IL21R: variants seen among roughly 807,000 people sequenced by gnomAD.
The protein encoded by IL21R is interleukin-21 receptor.
IL21R carries 14 observed loss-of-function variants against 41.3 expected under a neutral mutation model. That is an observed-to-expected ratio of 0.34 (90% confidence interval 0.22 to 0.53). The LOEUF (loss-of-function observed/expected upper bound fraction) is 0.53. Among genes scored for constraint, IL21R ranks in the 20% least tolerant of loss-of-function variants. IL21R has a pLI of 0.94. For synonymous variants in IL21R, 286 were observed against 287.6 expected (o/e 0.99, Z 0.05); for missense variants, 588 against 681.6 (o/e 0.86, Z 1.53).
At chr16:27,418,531 G>A (rs1266886971) in intron 1 of IL21R, among the ~76,000 whole-genome samples, 2 of 151,810 alleles carry the variant, frequency 1.3e-5, no homozygotes, top group African/African-American at 4.8e-5. Flanking sequence ...ACCACGCTCG[G>A]CTAATTTTTT....
intron 1 of IL21R, among the ~76,000 whole-genome samples, chr16:27,418,316 T>C (rs759471639): frequency 2.4e-4 from 37 of 151,738 alleles, no homozygotes; most frequent in Admixed American, 2.2e-3. Context: ...GATCTGCCCG[T>C]CTCGCCCTTC....
chr16:27,446,212 G>C, intron 8 of IL21R, 124 bp downstream of exon 8: 1 of 649,494 alleles, frequency 1.5e-6, no homozygotes, highest in Non-Finnish European at 2.6e-6. Context: ...TCTCAGCCAA[G>C]CCACAAGCCA....
rs138984773 is a variant in IL21R at position 27,430,554 on chromosome 16, T to G, written c.49+434T>G. ...TTGCTGCACCGGGTGCGGTGGCTCC[T>G]ACTGGAATCCCAGCCCTTTGGGAGG... is the stretch of plus-strand genomic sequence containing the variant. On this transcript the variant is annotated intron_variant, in intron 2 of 8. Transcript: ENST00000337929. Among the ~76,000 whole-genome samples the G allele has an allele frequency of 1.1e-3, 172 of 152,240 alleles. 3 individuals are homozygous for G. Among genetic ancestry groups the G allele is most frequent in the African/African-American group, 3.8e-3 (157 of 41,530 alleles).
intron 1 of IL21R, among the ~76,000 whole-genome samples, chr16:27,404,236 C>A (rs1240075359): frequency 1.3e-5 from 2 of 152,080 alleles, no homozygotes; most frequent in Admixed American, 6.5e-5. Context: ...TTACTCAGTC[C>A]CACAGTGGAG....
intron 4 of IL21R, among the ~76,000 whole-genome samples, chr16:27,440,279 A>AGAGAGAGAGAGAGAGAGAGAGAGAGAGC (rs1567370043): frequency 7.6e-6 from 1 of 131,892 alleles, no homozygotes; most frequent in African/African-American, 3.1e-5. Flanking sequence ...AGAGAGAGAG[A>AGAGAGAGAGAGAGAGAGAGAGAGAGAGC]GCGAGCAAGC....
intron 1 of IL21R, among the ~76,000 whole-genome samples, chr16:27,410,745 A>C (rs2086811073): frequency 6.6e-6 from 1 of 152,216 alleles, no homozygotes; most frequent in Non-Finnish European, 1.5e-5. Context: ...CTGTATGCAC[A>C]TTGGTTTACA....
intron 1 of IL21R, among the ~76,000 whole-genome samples, chr16:27,409,177 T>TA (rs59798163): frequency 0.21 from 31,563 of 147,002 alleles, 3,978 homozygotes; most frequent in East Asian, 0.43. Context: ...ATATATATAT[T>TA]TATAAAAATA....
chr16:27,446,929 C>A (rs1304007950), intron 8 of IL21R, among the ~76,000 whole-genome samples: 1 of 152,162 alleles, frequency 6.6e-6, no homozygotes, highest in African/African-American at 2.4e-5. Context: ...GGTGGGAGGG[C>A]CAGCCCCACC....
At position 27,448,849 on chromosome 16, in the gene IL21R, G is replaced by A. The variant is rs1352755812; in HGVS notation, c.1183G>A (p.Glu395Lys). Reference sequence around the variant, plus strand: ...GCCATGCACCTGGCCCTGCAGCTGTGAGGATGACGGCTACCCAGCCCTGGA... The same window carrying A: ...GCCATGCACCTGGCCCTGCAGCTGTAAGGATGACGGCTACCCAGCCCTGGA... Reference protein sequence around the residue: ...EGPCTWPCSCEDDGYPALDLD... With the variant: ...EGPCTWPCSCKDDGYPALDLD... The change falls in exon 9 of 9, where the codon GAG (glutamate) becomes AAG (lysine). Residue 395 changes from glutamate (E) to lysine (K), a missense_variant. By Grantham distance (56) the Glu-to-Lys change is moderately conservative. Coordinates refer to ENST00000337929, the MANE Select transcript of IL21R (RefSeq NM_181078.3). The A allele has an allele frequency of 1.2e-6, 2 of 1,613,174 alleles. No individual in the cohort carries two copies. The highest frequency in any genetic ancestry group is 1.1e-5 in the South Asian group (1 of 91,078).
intron 2 of IL21R, among the ~76,000 whole-genome samples, chr16:27,430,992 G>A (rs141132054): frequency 1.3e-5 from 2 of 152,254 alleles, no homozygotes; most frequent in African/African-American, 4.8e-5. Flanking sequence ...AAGCAGAACT[G>A]GGAAGACCAG....
At chr16:27,438,982 G>A (rs2087323072) in intron 4 of IL21R, among the ~76,000 whole-genome samples, 1 of 152,032 alleles carries the variant, frequency 6.6e-6, no homozygotes, top group South Asian at 2.1e-4. Flanking sequence ...CGGCCCCAGA[G>A]GCAAACACAG....
intron 1 of IL21R, among the ~76,000 whole-genome samples, chr16:27,417,265 G>A (rs1016709771): frequency 4.7e-5 from 7 of 147,970 alleles, no homozygotes; most frequent in Non-Finnish European, 7.4e-5. Flanking sequence ...GGGCTCATGT[G>A]ATCCTCCCAC....
At chr16:27,428,839 A>G (rs1459310916) in intron 1 of IL21R, among the ~76,000 whole-genome samples, 1 of 152,222 alleles carries the variant, frequency 6.6e-6, no homozygotes, top group Non-Finnish European at 1.5e-5. Flanking sequence ...TGATGGAGTA[A>G]GGAGCCTCAT....
At chr16:27,446,517 C>T (rs528139516) in intron 8 of IL21R, among the ~76,000 whole-genome samples, 22 of 151,922 alleles carry the variant, frequency 1.4e-4, no homozygotes, top group African/African-American at 4.6e-4. Context: ...GCAGGACGAT[C>T]GTTCAGAGGC....
chr16:27,424,354 A>G (rs1254691702), intron 1 of IL21R, among the ~76,000 whole-genome samples: 1 of 152,182 alleles, frequency 6.6e-6, no homozygotes, highest in African/African-American at 2.4e-5. Flanking sequence ...GATTACAGGC[A>G]TGAGCCACCA....
At chr16:27,417,705 T>A (rs970481693) in intron 1 of IL21R, among the ~76,000 whole-genome samples, 5 of 152,200 alleles carry the variant, frequency 3.3e-5, no homozygotes, top group Non-Finnish European at 7.3e-5. Flanking sequence ...TACTGAATAC[T>A]GTAGGCAACT....
chr16:27,417,896 T>C (rs912045696), intron 1 of IL21R, among the ~76,000 whole-genome samples: 1 of 152,150 alleles, frequency 6.6e-6, no homozygotes, highest in Non-Finnish European at 1.5e-5. Context: ...GCCCAGGACA[T>C]TGCTGTACAC....
rs143140665 is a variant in IL21R at position 27,418,430 on chromosome 16, G to A, written c.-16-11626G>A. Among the ~76,000 whole-genome samples, 917 of 151,594 alleles carry A rather than the reference G, an allele frequency of 6.0e-3. 8 individuals carry two copies. The highest frequency in any genetic ancestry group is 0.02 in the African/African-American group (833 of 41,316). On this transcript the variant is annotated intron_variant, in intron 1 of 8. Transcript: ENST00000337929. ...ATCACCCAGGCTGGAGTGCAGTGTC[G>A]CGATCTCAGCTCACTGCAACCTCCG...
chr16:27,407,458 G>A (rs537209956), intron 1 of IL21R, among the ~76,000 whole-genome samples: 1 of 152,298 alleles, frequency 6.6e-6, no homozygotes, highest in South Asian at 2.1e-4. Context: ...AGAAGCTGGG[G>A]GAAAAGCATT....
Sources: allele counts gnomAD v4.1 joint callset (sites outside exome capture counted in the v4.1 genomes callset), GRCh38; gene constraint gnomAD v4.1.1; transcripts MANE v1.5; gene names NCBI Gene and HGNC (gene_info 2026-07-23, HGNC 2026-07-21).